The following CAMK2A variants were observed in gnomAD, a reference collection of about 807,000 sequenced individuals.
CAMK2A encodes calcium/calmodulin-dependent protein kinase type II subunit alpha.
A neutral mutation model predicts 79.2 loss-of-function variants in CAMK2A; 7 were observed. The ratio of observed to expected loss-of-function variants is 0.09; its 90% CI spans 0.05 to 0.17. The LOEUF (loss-of-function observed/expected upper bound fraction) is 0.17. Among genes scored for constraint, CAMK2A ranks in the 10% least tolerant of loss-of-function variants. The pLI is 1.00. For synonymous variants in CAMK2A, 242 were observed against 251.7 expected, an observed-to-expected ratio of 0.96 and a Z score of 0.36; for missense variants, 214 against 646.4, an observed-to-expected ratio of 0.33 and a Z score of 7.25.
At chr5:150,243,976 C>G (rs964863701) in intron 13 of CAMK2A, among the ~76,000 whole-genome samples, 8 of 152,212 alleles carry the variant, frequency 5.3e-5, no homozygotes, top group African/African-American at 1.7e-4. Flanking sequence ...AGGTGCCTCC[C>G]CAGTCCAGTA....
chr5:150,260,194 C>T (rs764806813), intron 3 of CAMK2A, among the ~76,000 whole-genome samples: 2 of 151,688 alleles, frequency 1.3e-5, no homozygotes, highest in Non-Finnish European at 2.9e-5. Flanking sequence ...CAGTGGCTCA[C>T]GACTGTAATC....
At chr5:150,244,762 G>A (rs1270747034) in intron 13 of CAMK2A, among the ~76,000 whole-genome samples, 1 of 152,154 alleles carries the variant, frequency 6.6e-6, no homozygotes, top group African/African-American at 2.4e-5. Context: ...GCAGGGGCCC[G>A]ATCCAGCCCA....
intron 1 of CAMK2A, among the ~76,000 whole-genome samples, chr5:150,276,960 T>C (rs919301425): frequency 2.0e-5 from 3 of 152,160 alleles, no homozygotes; most frequent in East Asian, 1.9e-4. Context: ...CCGGGCGTGA[T>C]GGCTCACGCC....
At position 150,223,765 on chromosome 5, in the gene CAMK2A, G is replaced by A. The variant is rs189604136; in HGVS notation, c.1238-548C>T. On this transcript the variant is annotated intron_variant, in intron 17 of 18. Coordinates refer to ENST00000671881, the MANE Select transcript of CAMK2A (RefSeq NM_015981.4). This position sits in a 1 kb window ranked among gnomAD's most constrained non-coding sequence, Gnocchi z 4.1. ...CCATGTGAGTGAGACCAGTGTTGAC[G>A]TGCCTCGTTTTTCAAGAGAATCTGG... Among the ~76,000 whole-genome samples the A allele has an allele frequency of 5.9e-5, 9 of 152,310 alleles. No individual in the cohort carries two copies. The highest frequency in any genetic ancestry group is 1.9e-4 in the African/African-American group (8 of 41,576).
rs186467710 is a variant in CAMK2A at position 150,244,613 on chromosome 5, T to C, written c.984+548A>G. ...TCTAGGGGTGGGACAGGGCAGGCCC[T>C]TGGAGCCGGGAGGGGATTTTGGAAC... On this transcript the variant is annotated intron_variant, in intron 13 of 18. Transcript: ENST00000671881. Among the ~76,000 whole-genome samples, 213 of 152,242 alleles carry C rather than the reference T, an allele frequency of 1.4e-3. 2 individuals carry two copies. In the East Asian group the frequency reaches 0.033, roughly 24 times the overall value.
At position 150,222,015 on chromosome 5, in the gene CAMK2A, C is replaced by G; in HGVS notation, c.*695G>C. 5.1e-6 allele frequency: 1 copy of G among 195,742 alleles called. No homozygotes were observed. The highest frequency in any genetic ancestry group is 1.1e-5 in the Non-Finnish European group (1 of 94,468). The allele number at this position is 195,742 out of a possible 1,614,324, so 12.1% of individuals were successfully genotyped here. A position where few individuals can be genotyped will look rare whatever the true frequency, so the allele number is the denominator to read the frequency against. On this transcript the variant is annotated 3_prime_UTR_variant, in exon 19 of 19. Coordinates refer to ENST00000671881, the MANE Select transcript of CAMK2A (RefSeq NM_015981.4). ...TCTGAGATACGACAAAGCTGGAATT[C>G]TCCAGGGATGACGGGGGTGGGGTGG...
At chr5:150,241,201 C>G (rs1222691760) in intron 13 of CAMK2A, among the ~76,000 whole-genome samples, 1 of 152,208 alleles carries the variant, frequency 6.6e-6, no homozygotes, top group East Asian at 1.9e-4. Context: ...TTCCAATGCC[C>G]GTGTGCTCAC....
At chr5:150,272,716 G>T (rs1461917223) in intron 2 of CAMK2A, among the ~76,000 whole-genome samples, 1 of 151,992 alleles carries the variant, frequency 6.6e-6, no homozygotes, top group Non-Finnish European at 1.5e-5. Flanking sequence ...GGAGCCAGGA[G>T]ATGGCGTTCA....
chr5:150,238,672 G>A (rs372970789), intron 15 of CAMK2A, 28 bp downstream of exon 15: 347 of 1,587,686 alleles, frequency 2.2e-4, no homozygotes, highest in South Asian at 2.0e-3. Flanking sequence ...AAGTCTAAGG[G>A]GTCCCGACAC....
intron 1 of CAMK2A, among the ~76,000 whole-genome samples, chr5:150,283,798 A>T (rs1757311130): frequency 6.6e-6 from 1 of 152,140 alleles, no homozygotes; most frequent in African/African-American, 2.4e-5. Context: ...GCTGGGCTCA[A>T]CCTAGGCCTG....
chr5:150,273,003 G>C, intron 2 of CAMK2A, 62 bp downstream of exon 2: 1 of 1,319,030 alleles, frequency 7.6e-7, no homozygotes, highest in Non-Finnish European at 1.1e-6. Context: ...AAACCAAGCA[G>C]TACAGGTAAG....
At chr5:150,226,659 C>A (rs1477418610) in intron 17 of CAMK2A, among the ~76,000 whole-genome samples, 2 of 141,938 alleles carry the variant, frequency 1.4e-5, no homozygotes, top group Admixed American at 1.5e-4. Flanking sequence ...ATTGCTTGAA[C>A]CCAGGAGGCG....
At position 150,219,588 on chromosome 5, in the gene CAMK2A, G is replaced by T. The variant is rs1163075322; in HGVS notation, c.*3122C>A. 1.1e-5 allele frequency: 1 copy of T among 87,384 alleles called. No homozygotes were observed. Among genetic ancestry groups the T allele is most frequent in the Non-Finnish European group, 2.1e-5 (1 of 48,532 alleles). 5.4% of individuals were successfully genotyped at this position (87,384 alleles called of 1,614,324 possible). On this transcript the variant is annotated 3_prime_UTR_variant, in exon 19 of 19. Coordinates refer to ENST00000671881, the MANE Select transcript of CAMK2A (RefSeq NM_015981.4). ...CACCCGCCCCCCCCAATAGCAGAAA[G>T]TTTGAGCAGTGTTCATTCAAGTTCA...
At chr5:150,244,911 C>T (rs1481995083) in intron 13 of CAMK2A, among the ~76,000 whole-genome samples, 3 of 152,118 alleles carry the variant, frequency 2.0e-5, no homozygotes, top group East Asian at 1.9e-4. Context: ...CCTGCCCCCA[C>T]CCCAGCACAC....
In CAMK2A at chr5:150,254,510, G is replaced by C. The variant is rs775436927; in HGVS notation, c.412-964C>G. On this transcript the variant is annotated intron_variant, in intron 6 of 18. Transcript: ENST00000671881. ...TCTTAACTGCTCTAGGCTGAAAGAT[G>C]ATGAGGCTTATACATGGGGCCAGCA... Among the ~76,000 whole-genome samples, 45 of 152,224 alleles carry C rather than the reference G, an allele frequency of 3.0e-4. 2 individuals carry two copies. The highest frequency in any genetic ancestry group is 7.3e-5 in the Non-Finnish European group (5 of 68,046).
intron 1 of CAMK2A, 47 bp downstream of exon 1, chr5:150,289,517 C>T (rs747004160): frequency 1.1e-5 from 16 of 1,491,670 alleles, no homozygotes; most frequent in Admixed American, 1.7e-5. Context: ...GAGACCCTGA[C>T]CTCCCCGCCC....
chr5:150,283,403 C>A (rs1387931759), intron 1 of CAMK2A, among the ~76,000 whole-genome samples: 1 of 152,210 alleles, frequency 6.6e-6, no homozygotes, highest in Non-Finnish European at 1.5e-5. Flanking sequence ...GAGACAAGGT[C>A]TTGCTCTGTC....
intron 11 of CAMK2A, 68 bp from the exon 12 acceptor site, chr5:150,247,882 G>C (rs1183235477): frequency 1.5e-6 from 2 of 1,346,596 alleles, no homozygotes; most frequent in African/African-American, 2.9e-5. Context: ...GGGACAGAGA[G>C]ACGGGAGGGC....
chr5:150,225,352 AG>A (rs966992741), intron 17 of CAMK2A, among the ~76,000 whole-genome samples: 1 of 152,182 alleles, frequency 6.6e-6, no homozygotes. Context: ...AGTCCCCGAC[AG>A]GAAAAAATAG....
Sources: gnomAD v4.1 joint callset for allele counts (sites outside exome capture counted in the v4.1 genomes callset) on GRCh38, gnomAD v4.1.1 for gene constraint, Gnocchi (gnomAD v3.1) non-coding constraint, MANE v1.5 for transcripts, NCBI Gene and HGNC (gene_info 2026-07-23, HGNC 2026-07-21) for gene names.